The following SYT12 variants were observed in gnomAD, a reference collection of about 807,000 sequenced individuals.
SYT12 encodes synaptotagmin-12.
A neutral mutation model predicts 39.5 loss-of-function variants in SYT12; 27 were observed. The ratio of observed to expected loss-of-function variants is 0.68; its 90% CI spans 0.50 to 0.94. The LOEUF (loss-of-function observed/expected upper bound fraction) is 0.94, where lower values mean the gene tolerates loss of function less well. Among genes scored for constraint, SYT12 ranks in the 40% least tolerant of loss-of-function variants. SYT12 has a pLI of 0.00. For synonymous variants in SYT12, 233 were observed against 239.7 expected (o/e 0.97, Z 0.26); for missense variants, 536 against 572.6 (o/e 0.94, Z 0.65).
chr11:67,038,078 G>A (rs1289290005), intron 3 of SYT12, among the ~76,000 whole-genome samples: 1 of 151,510 alleles, frequency 6.6e-6, no homozygotes, highest in Non-Finnish European at 1.5e-5. Context: ...TGAAGGCATG[G>A]AAGATGCTTA....
upstream of SYT12, among the ~76,000 whole-genome samples, chr11:67,021,323 C>CTTTT (rs369425531): frequency 6.9e-6 from 1 of 145,882 alleles, no homozygotes; most frequent in African/African-American, 2.5e-5. Flanking sequence ...CTCAACTTTG[C>CTTTT]TTTTTTTTTT....
intron 3 of SYT12, among the ~76,000 whole-genome samples, chr11:67,038,989 AAAAT>A (rs375878477): frequency 0.06 from 9,052 of 149,634 alleles, 843 homozygotes; most frequent in African/African-American, 0.2. Flanking sequence ...TCTGTCTCAA[AAAAT>A]AAATAAATAA....
upstream of SYT12, among the ~76,000 whole-genome samples, chr11:67,019,976 T>G (rs1371335960): frequency 6.6e-6 from 1 of 151,924 alleles, no homozygotes; most frequent in African/African-American, 2.4e-5. Flanking sequence ...GGGCGCCTTT[T>G]CTTTCTAGTC....
chr11:67,029,317 T>TCAAAATG (rs1260266409), intron 1 of SYT12: 1 of 152,178 alleles, frequency 6.6e-6, no homozygotes, highest in East Asian at 1.9e-4. Context: ...TCCTTCCCAA[T>TCAAAATG]CAAAATGGAA....
intron 3 of SYT12, among the ~76,000 whole-genome samples, chr11:67,012,376 A>C (rs535680841): frequency 6.6e-6 from 1 of 151,998 alleles, no homozygotes; most frequent in Non-Finnish European, 1.5e-5. Flanking sequence ...ATCTCAAAAA[A>C]TTTTTAAAAA....
At chr11:67,013,319 T>A (rs1208625760) in intron 3 of SYT12, among the ~76,000 whole-genome samples, 3 of 152,192 alleles carry the variant, frequency 2.0e-5, no homozygotes, top group Non-Finnish European at 4.4e-5. Flanking sequence ...CAAGCTCTTG[T>A]GTCTGCCGAG....
intron 4 of SYT12, among the ~76,000 whole-genome samples, chr11:67,040,496 G>A (rs750792990): frequency 2.6e-5 from 4 of 152,184 alleles, no homozygotes; most frequent in Admixed American, 6.5e-5. Context: ...ATGGGGTCCC[G>A]GCAGAAAAGG....
At chr11:67,021,093 T>A (rs1192518248), upstream of SYT12, among the ~76,000 whole-genome samples, 1 of 152,162 alleles carries the variant, frequency 6.6e-6, no homozygotes, top group Non-Finnish European at 1.5e-5. Flanking sequence ...TTCCATTGTG[T>A]CACTACACCA....
At chr11:67,021,034 G>A (rs1458391758), upstream of SYT12, among the ~76,000 whole-genome samples, 1 of 152,096 alleles carries the variant, frequency 6.6e-6, no homozygotes, top group African/African-American at 2.4e-5. Flanking sequence ...GGATTCACTC[G>A]CCTTTCATTA....
chr11:67,011,440 AC>A (rs1339616053), intron 3 of SYT12, among the ~76,000 whole-genome samples: 1 of 152,104 alleles, frequency 6.6e-6, no homozygotes, highest in African/African-American at 2.4e-5. Flanking sequence ...ATGAGGTCTC[AC>A]CATGTTGGTC....
At position 67,029,853 on chromosome 11, in the gene SYT12, AAAAACAAAAC is replaced by A. The variant is rs1256615596; in HGVS notation, c.-23-254_-23-245del. 2.0e-5 allele frequency: 8 copies of A among 397,038 alleles called. No individual in the cohort carries two copies. The Middle Eastern group carries it at 4.0e-3, about 197-fold the overall frequency. 24.6% of individuals were successfully genotyped at this position (397,038 alleles called of 1,614,324 possible). On this transcript the variant is annotated intron_variant, in intron 1 of 7. Coordinates refer to ENST00000527043, the MANE Select transcript of SYT12 (RefSeq NM_177963.4). ...GGCAACAAAGAGAGACTCCATCTGA[AAAAACAAAAC>A]AAAACAAAACAAAATCTGAAATTCA...
In SYT12 at chr11:67,023,432, C is replaced by G. The variant is rs1448720553; in HGVS notation, c.-52C>G. 1.3e-5 allele frequency: 2 copies of G among 150,782 alleles called. No homozygotes were observed. Among genetic ancestry groups the G allele is most frequent in the African/African-American group, 4.8e-5 (2 of 41,262 alleles). 9.3% of individuals were successfully genotyped at this position (150,782 alleles called of 1,614,324 possible). A position where few individuals can be genotyped will look rare whatever the true frequency, so the allele number is the denominator to read the frequency against. ...GGCGGGCCGGCAGCTGGAGCCCAGCCGGAGCGGCGGCCCCTCCGCGGAGCC... is the reference window on the plus strand; with the variant it reads ...GGCGGGCCGGCAGCTGGAGCCCAGCGGGAGCGGCGGCCCCTCCGCGGAGCC... On this transcript the variant is annotated 5_prime_UTR_variant, in exon 1 of 8. Transcript: ENST00000527043.
At chr11:67,017,087 A>G (rs1461065300) in intron 3 of SYT12, among the ~76,000 whole-genome samples, 1 of 152,170 alleles carries the variant, frequency 6.6e-6, no homozygotes, top group Non-Finnish European at 1.5e-5. Context: ...TCGTCCTCCA[A>G]CCTCATGAGT....
chr11:67,011,608 A>C (rs1018526220), intron 3 of SYT12, among the ~76,000 whole-genome samples: 1 of 152,050 alleles, frequency 6.6e-6, no homozygotes, highest in African/African-American at 2.4e-5. Flanking sequence ...GGCTCTTTCC[A>C]CACTGGGTCT....
At chr11:67,035,002 C>CTTTTTTTTTTTTTT (rs11316433) in intron 3 of SYT12, among the ~76,000 whole-genome samples, 164 bp downstream of exon 3, 1 of 112,094 alleles carries the variant, frequency 8.9e-6, no homozygotes, top group Non-Finnish European at 1.8e-5. Context: ...ACATCTTCAA[C>CTTTTTTTTTTTTTT]TTTTTTTTTT....
At position 67,008,733 on chromosome 11, in the gene SYT12, A is replaced by G. The variant is rs141641152; in HGVS notation, c.-484-1146A>G. Among the ~76,000 whole-genome samples, 327 of 151,984 alleles carry G rather than the reference A, an allele frequency of 2.2e-3. 1 individual carries two copies. Among genetic ancestry groups the G allele is most frequent in the African/African-American group, 7.5e-3 (312 of 41,468 alleles). On this transcript the variant is annotated intron_variant, in intron 1 of 10. Coordinates refer to the SYT12 transcript ENST00000393946. ...GCCTGGCTAATTTTTGTATTTTTGTAGAGACGGGGTTTCAACCATGTTGGT... is the reference window on the plus strand; with the variant it reads ...GCCTGGCTAATTTTTGTATTTTTGTGGAGACGGGGTTTCAACCATGTTGGT...
chr11:67,041,567 G>A (rs1950512283), intron 4 of SYT12, among the ~76,000 whole-genome samples: 4 of 152,212 alleles, frequency 2.6e-5, no homozygotes, highest in Non-Finnish European at 5.9e-5. Flanking sequence ...GGGATGGCAT[G>A]GTACCCTGGA....
chr11:67,037,957 AG>A (rs1950415483), intron 3 of SYT12, among the ~76,000 whole-genome samples: 1 of 146,614 alleles, frequency 6.8e-6, no homozygotes, highest in Non-Finnish European at 1.5e-5. Context: ...TGGGAGAGTG[AG>A]GGGGGAGGAT....
chr11:67,043,495 C>T lies in SYT12; in HGVS notation c.622-143C>T, dbSNP rs1950553245. On this transcript the variant is annotated intron_variant, in intron 4 of 7. Coordinates refer to ENST00000527043, the MANE Select transcript of SYT12 (RefSeq NM_177963.4). The stretch of plus-strand genomic sequence containing the variant: ...GGCTTTTAAACCTTCAAGGCTGAGC[C>T]ACCAAAGGAAAGATTGGCATTGAGG... The T allele has an allele frequency of 1.2e-5, 9 of 771,078 alleles. No individual in the cohort carries two copies. In the South Asian group the frequency reaches 1.4e-4, roughly 12 times the overall value. The allele number at this position is 771,078 out of a possible 1,614,324, so 47.8% of individuals were successfully genotyped here.
Sources: gnomAD v4.1 joint callset for allele counts (sites outside exome capture counted in the v4.1 genomes callset) on GRCh38, gnomAD v4.1.1 for gene constraint, MANE v1.5 for transcripts, NCBI Gene and HGNC (gene_info 2026-07-23, HGNC 2026-07-21) for gene names.